Variants in MTAP observed in about 807,000 individuals in gnomAD.
MTAP encodes S-methyl-5'-thioadenosine phosphorylase.
MTAP carries 33 observed loss-of-function variants against 33.6 expected under a neutral mutation model. That is an observed-to-expected ratio of 0.98 (90% CI 0.74 to 1.31). The LOEUF (loss-of-function observed/expected upper bound fraction) is 1.31, where lower values mean the gene tolerates loss of function less well. MTAP is among the 40% of genes most tolerant of loss of function. The pLI, the probability that MTAP is intolerant of heterozygous loss-of-function variation, is 0.00. For missense variants in MTAP, 367 were observed against 360.0 expected (o/e 1.02, Z -0.16); for synonymous variants, 148 against 125.7 (o/e 1.18, Z -1.19).
chr9:21,938,115 A>C (rs534954851), downstream of MTAP, among the ~76,000 whole-genome samples: 1 of 152,252 alleles, frequency 6.6e-6, no homozygotes, highest in South Asian at 2.1e-4. Context: ...TCTACTAAAA[A>C]TACAAAAAAT....
downstream of MTAP, among the ~76,000 whole-genome samples, chr9:21,938,860 T>C (rs1819087085): frequency 6.6e-6 from 1 of 152,232 alleles, no homozygotes; most frequent in Admixed American, 6.5e-5. Context: ...AACATTGGAC[T>C]GCATAAGAAT....
At chr9:21,914,055 G>A (rs984902695) in intron 1 of MTAP, among the ~76,000 whole-genome samples, 2 of 152,186 alleles carry the variant, frequency 1.3e-5, no homozygotes, top group Non-Finnish European at 1.5e-5. Flanking sequence ...GGCCATCAGA[G>A]AAATGCAAAT....
chr9:21,806,591 T>G (rs1209462253), intron 1 of MTAP, among the ~76,000 whole-genome samples: 1 of 151,968 alleles, frequency 6.6e-6, no homozygotes, highest in Non-Finnish European at 1.5e-5. Context: ...TTTTTGTGGT[T>G]CACTGCAGTG....
Position 21,865,044 on chromosome 9 carries a change from T to G in MTAP, c.*3030T>G. ...GGTTAGGAAGTCACGAAATGAGGAG[T>G]TCTTGCCACATTTGCAGAGTCCCTC... On this transcript the variant is annotated 3_prime_UTR_variant, in exon 8 of 8. Coordinates refer to ENST00000644715, the MANE Select transcript of MTAP (RefSeq NM_002451.4). 1.0e-6 allele frequency: 1 copy of G among 985,352 alleles called. No individual in the cohort carries two copies. The highest frequency in any genetic ancestry group is 1.7e-5 in the African/African-American group (1 of 57,322). 61.0% of individuals were successfully genotyped at this position (985,352 alleles called of 1,614,324 possible). A position where few individuals can be genotyped will look rare whatever the true frequency, so the allele number is the denominator to read the frequency against.
intron 1 of MTAP, among the ~76,000 whole-genome samples, chr9:21,896,999 G>A (rs577222792): frequency 8.5e-5 from 13 of 152,246 alleles, no homozygotes; most frequent in Admixed American, 5.9e-4. Context: ...CTGCCAAACC[G>A]AATCCAGCAG....
At chr9:21,919,190 A>G (rs1289938010) in intron 1 of MTAP, among the ~76,000 whole-genome samples, 22 of 152,230 alleles carry the variant, frequency 1.4e-4, no homozygotes, top group Admixed American at 1.4e-3. Flanking sequence ...GCAATTACAG[A>G]CACTTGAAAT....
chr9:21,835,211 C>G (rs183366693), intron 4 of MTAP, among the ~76,000 whole-genome samples: 1 of 152,124 alleles, frequency 6.6e-6, no homozygotes. Context: ...TGCCTAATCA[C>G]CTCCAAAAGG....
At chr9:21,919,883 C>T (rs1350548857) in intron 1 of MTAP, among the ~76,000 whole-genome samples, 1 of 152,124 alleles carries the variant, frequency 6.6e-6, no homozygotes, top group Non-Finnish European at 1.5e-5. Flanking sequence ...TGCCAGCACT[C>T]ACTGAATTTT....
chr9:21,859,524 A>G, intron 7 of MTAP, 99 bp downstream of exon 7: 1 of 1,370,578 alleles, frequency 7.3e-7, no homozygotes, highest in Non-Finnish European at 9.7e-7. Flanking sequence ...ATTTTATGCC[A>G]GCCTAGATGT....
intron 1 of MTAP, among the ~76,000 whole-genome samples, chr9:21,906,102 A>C (rs1281398523): frequency 6.6e-6 from 1 of 152,240 alleles, no homozygotes; most frequent in Non-Finnish European, 1.5e-5. Context: ...CCCAGACTAC[A>C]CAAGATTTCT....
Position 21,864,630 on chromosome 9 carries a change from C to G in MTAP, c.*2616C>G. The G allele has an allele frequency of 2.0e-6, 2 of 985,448 alleles. No homozygotes were observed. Among genetic ancestry groups the G allele is most frequent in the Non-Finnish European group, 2.4e-6 (2 of 829,978 alleles). 61.0% of individuals were successfully genotyped at this position (985,448 alleles called of 1,614,324 possible). A position where few individuals can be genotyped will look rare whatever the true frequency, so the allele number is the denominator to read the frequency against. On this transcript the variant is annotated 3_prime_UTR_variant, in exon 8 of 8. Transcript: ENST00000644715. ...TGTGACCTGGCCCCTGTTCACTGCC[C>G]CCTTCGCTAGCACGAGTTGCTGTGC...
At chr9:21,939,980 T>C (rs1332757671), downstream of MTAP, among the ~76,000 whole-genome samples, 3 of 151,508 alleles carry the variant, frequency 2.0e-5, no homozygotes, top group African/African-American at 7.3e-5. Flanking sequence ...TAAAAATATG[T>C]GTAAAATTTT....
intron 1 of MTAP, chr9:21,892,848 A>G (rs1181099930): frequency 6.6e-6 from 1 of 152,218 alleles, no homozygotes; most frequent in Non-Finnish European, 1.5e-5. Context: ...CACATGGCAT[A>G]TAGACTAAAA....
chr9:21,927,898 C>T (rs2131043093), intron 1 of MTAP, among the ~76,000 whole-genome samples: 1 of 152,360 alleles, frequency 6.6e-6, no homozygotes, highest in African/African-American at 2.4e-5. Context: ...GACCTCCAAT[C>T]TTAGAGCTAC....
chr9:21,807,724 G>C (rs1783258765), intron 1 of MTAP, among the ~76,000 whole-genome samples: 1 of 152,200 alleles, frequency 6.6e-6, no homozygotes, highest in South Asian at 2.1e-4. Context: ...CTGCTCAGCA[G>C]AGTAAAAGGA....
chr9:21,810,329 G>A (rs1002848708), intron 1 of MTAP, among the ~76,000 whole-genome samples: 2 of 152,128 alleles, frequency 1.3e-5, no homozygotes, highest in Non-Finnish European at 1.5e-5. Flanking sequence ...TCTGTTTTCT[G>A]TTGCTATAAC....
At chr9:21,876,450 A>G (rs572973513) in intron 1 of MTAP, among the ~76,000 whole-genome samples, 14 of 152,262 alleles carry the variant, frequency 9.2e-5, no homozygotes, top group Admixed American at 2.0e-4. Flanking sequence ...GCTCATTTCT[A>G]TGTCCAGGAT....
chr9:21,804,763 A>C (rs1242834477), intron 1 of MTAP, among the ~76,000 whole-genome samples: 1 of 152,182 alleles, frequency 6.6e-6, no homozygotes, highest in African/African-American at 2.4e-5. Flanking sequence ...AGCCACACAA[A>C]CCCGTTTTGC....
intron 6 of MTAP, among the ~76,000 whole-genome samples, chr9:21,855,766 G>C (rs919545996): frequency 3.3e-5 from 5 of 152,114 alleles, no homozygotes; most frequent in African/African-American, 9.7e-5. Context: ...TGAATTCCAG[G>C]TACCCATCAC....
Sources: gnomAD v4.1 joint callset for allele counts (sites outside exome capture counted in the v4.1 genomes callset) on GRCh38, gnomAD v4.1.1 for gene constraint, MANE v1.5 for transcripts, NCBI Gene and HGNC (gene_info 2026-07-23, HGNC 2026-07-21) for gene names.